Variants in TTC13 observed in about 807,000 individuals in gnomAD.
TTC13 encodes the protein tetratricopeptide repeat domain 13.
TTC13 carries 62 observed loss-of-function variants against 120.0 expected under a neutral mutation model. The ratio of observed to expected loss-of-function variants is 0.52; its 90% confidence interval spans 0.42 to 0.64. The LOEUF is 0.64. TTC13 is among the 30% of genes least tolerant of loss of function. TTC13 has a pLI of 0.00. For synonymous variants in TTC13, 384 were observed against 393.5 expected (o/e 0.98, Z 0.28); for missense variants, 824 against 1,050.2 (o/e 0.78, Z 2.98).
intron 1 of TTC13, among the ~76,000 whole-genome samples, chr1:230,975,347 C>T (rs1049561086): frequency 1.3e-5 from 2 of 152,112 alleles, no homozygotes; most frequent in African/African-American, 4.8e-5. Context: ...GAACTACCTC[C>T]TGGGCAACAG....
intron 18 of TTC13, among the ~76,000 whole-genome samples, chr1:230,913,686 A>G (rs1316632186): frequency 1.3e-5 from 2 of 152,244 alleles, no homozygotes; most frequent in Non-Finnish European, 2.9e-5. Flanking sequence ...GTCATAATGT[A>G]GCTCATCAGA....
intron 2 of TTC13, among the ~76,000 whole-genome samples, chr1:230,959,728 A>G (rs527781060): frequency 2.6e-5 from 4 of 152,352 alleles, no homozygotes; most frequent in South Asian, 4.1e-4. Flanking sequence ...CCTATTTCTA[A>G]TACTGCATCT....
intron 11 of TTC13, 55 bp downstream of exon 11, chr1:230,931,243 G>A (rs1036500736): frequency 6.4e-7 from 1 of 1,571,890 alleles, no homozygotes; most frequent in Non-Finnish European, 8.7e-7. Context: ...CAAGCAATAT[G>A]ATTTCTACAG....
At chr1:230,915,806 T>C (rs183196335) in intron 18 of TTC13, among the ~76,000 whole-genome samples, 1 of 152,042 alleles carries the variant, frequency 6.6e-6, no homozygotes, top group Non-Finnish European at 1.5e-5. Flanking sequence ...TCTATATATA[T>C]ATAGATTGGC....
At chr1:230,947,153 G>T (rs1675076285) in intron 4 of TTC13, among the ~76,000 whole-genome samples, 1 of 151,868 alleles carries the variant, frequency 6.6e-6, no homozygotes, top group Non-Finnish European at 1.5e-5. Context: ...AGAAAATGAA[G>T]AAAAGCACCA....
intron 1 of TTC13, among the ~76,000 whole-genome samples, chr1:230,971,930 T>A (rs1677793005): frequency 6.6e-6 from 1 of 152,202 alleles, no homozygotes; most frequent in Non-Finnish European, 1.5e-5. Flanking sequence ...AGCTTTCTCA[T>A]AAGCCCACAC....
chr1:230,962,125 G>A (rs934536411), intron 1 of TTC13, among the ~76,000 whole-genome samples: 19 of 151,784 alleles, frequency 1.3e-4, no homozygotes, highest in Non-Finnish European at 1.5e-5. Context: ...CAGGAGAATC[G>A]CTTGAACCCG....
At chr1:230,918,663 A>G (rs6656765) in intron 17 of TTC13, among the ~76,000 whole-genome samples, 20,391 of 152,148 alleles carry the variant, frequency 0.13, 1,381 homozygotes, top group Middle Eastern at 0.16. Context: ...AATAAACTCC[A>G]CGAGGTAGGT....
intron 1 of TTC13, among the ~76,000 whole-genome samples, chr1:230,965,349 G>A (rs1214191930): frequency 6.6e-6 from 1 of 152,056 alleles, no homozygotes; most frequent in Non-Finnish European, 1.5e-5. Flanking sequence ...ACATACAAAA[G>A]GCCAACAGGC....
At chr1:230,909,569 T>G (rs953743115) in intron 20 of TTC13, among the ~76,000 whole-genome samples, 4 of 152,300 alleles carry the variant, frequency 2.6e-5, no homozygotes, top group African/African-American at 9.6e-5. Context: ...GAGGCAGAGG[T>G]TGCAGTGAGC....
chr1:230,936,931 C>T (rs1316677381), intron 8 of TTC13, among the ~76,000 whole-genome samples: 2 of 152,150 alleles, frequency 1.3e-5, no homozygotes, highest in Non-Finnish European at 2.9e-5. Flanking sequence ...ATGGAGATGC[C>T]GTTGGGATGA....
At chr1:230,915,356 A>ATGTGTG (rs5781607) in intron 18 of TTC13, among the ~76,000 whole-genome samples, 5 of 150,546 alleles carry the variant, frequency 3.3e-5, no homozygotes, top group South Asian at 2.1e-4. Context: ...GTGTGTGTGT[A>ATGTGTG]TGTGTGTGTG....
intron 8 of TTC13, chr1:230,936,243 C>T (rs1674045573): frequency 2.2e-6 from 1 of 456,198 alleles, no homozygotes; most frequent in African/African-American, 2.0e-5. Context: ...TGTCTAATCA[C>T]TGCACAGCTC....
At chr1:230,972,583 G>A (rs1444205484) in intron 1 of TTC13, among the ~76,000 whole-genome samples, 1 of 152,200 alleles carries the variant, frequency 6.6e-6, no homozygotes. Flanking sequence ...GTGCAGTGAA[G>A]CTAAACTGTC....
rs1250815919 is a variant in TTC13, at chr1:230,906,511, AAGT to A, written c.*391_*393del. ...CTCTATCACAATGTGCGTAAAAAGC[AAGT>A]CTTTGAAAAATATCCAGATCTCTAA... On this transcript the variant is annotated 3_prime_UTR_variant, in exon 23 of 23. Coordinates refer to ENST00000366661, the MANE Select transcript of TTC13 (RefSeq NM_024525.5). 2.0e-3 allele frequency: 302 copies of A among 153,046 alleles called. 3 individuals carry two copies. Among genetic ancestry groups the A allele is most frequent in the African/African-American group, 6.8e-3 (284 of 41,602 alleles). 9.5% of individuals were successfully genotyped at this position (153,046 alleles called of 1,614,324 possible).
chr1:230,943,745 G>T, intron 6 of TTC13, 61 bp downstream of exon 6: 1 of 1,382,334 alleles, frequency 7.2e-7, no homozygotes, highest in Non-Finnish European at 9.9e-7. Flanking sequence ...AAAGTAATAG[G>T]AAAAAAATTG....
intron 15 of TTC13, 61 bp downstream of exon 15, chr1:230,923,780 T>C (rs1050198735): frequency 4.1e-5 from 58 of 1,422,866 alleles, no homozygotes; most frequent in Non-Finnish European, 5.6e-5. Flanking sequence ...CTGGTCTCCA[T>C]GGCCTGTGTC....
intron 16 of TTC13, 121 bp from the exon 17 acceptor site, chr1:230,920,715 T>C: frequency 1.8e-6 from 1 of 548,088 alleles, no homozygotes; most frequent in Non-Finnish European, 3.1e-6. Context: ...ACATTCAAAA[T>C]GGTAGGCCAC....
At chr1:230,970,333 T>C (rs369024741) in intron 1 of TTC13, among the ~76,000 whole-genome samples, 4 of 152,130 alleles carry the variant, frequency 2.6e-5, no homozygotes, top group African/African-American at 9.7e-5. Flanking sequence ...CATATGAACA[T>C]CTCCTTTGAG....
Sources: gnomAD v4.1 joint callset for allele counts (sites outside exome capture counted in the v4.1 genomes callset) on GRCh38, gnomAD v4.1.1 for gene constraint, MANE v1.5 for transcripts, NCBI Gene and HGNC (gene_info 2026-07-23, HGNC 2026-07-21) for gene names.